Variants in CYP17A1 observed in about 807,000 individuals in gnomAD.
The protein encoded by CYP17A1 is cytochrome P450 family 17 subfamily A member 1.
A neutral mutation model predicts 38.5 loss-of-function variants in CYP17A1; 27 were observed. The observed-to-expected ratio is 0.70, with a 90% CI of 0.52 to 0.97. CYP17A1 has a LOEUF of 0.97. Ranked by LOEUF, CYP17A1 falls within the 50% of genes least tolerant of loss-of-function variation. The pLI, the probability that CYP17A1 is intolerant of heterozygous loss-of-function variation, is 0.00. For synonymous variants in CYP17A1, 263 were observed against 253.3 expected, an observed-to-expected ratio of 1.04 and a Z score of -0.36; for missense variants, 549 against 645.9, an observed-to-expected ratio of 0.85 and a Z score of 1.63.
Position 102,831,492 on chromosome 10 carries a change from G to A in CYP17A1, c.1243+16C>T. The stretch of plus-strand genomic sequence containing the variant: ...GCTCGCTGTGTGGCCCAGGGCGCAG[G>A]ACAGGACAGACTCACCAGGCATGAA... On this transcript the variant is annotated intron_variant, in intron 7 of 7. Coordinates refer to ENST00000369887, the MANE Select transcript of CYP17A1 (RefSeq NM_000102.4). The A allele has an allele frequency of 6.2e-7, 1 of 1,613,656 alleles. No homozygotes were observed. The highest frequency in any genetic ancestry group is 1.1e-5 in the South Asian group (1 of 91,056).
intron 7 of CYP17A1, 26 bp from the exon 8 acceptor site, chr10:102,831,011 A>G (rs573437659): frequency 2.1e-5 from 32 of 1,511,010 alleles, no homozygotes; most frequent in African/African-American, 2.8e-5. Context: ...GGCATCAGCC[A>G]GGGGTTAGGG....
In CYP17A1 at chr10:102,834,930, G is replaced by A. The variant is rs752540777; in HGVS notation, c.521C>T (p.Ala174Val). The change falls in exon 3 of 8, where the codon GCG becomes GTG. Residue 174 changes from alanine to valine, a missense_variant. This residue lies in a region of CYP17A1 where 289 missense variants were observed against 320.9 expected (regional missense o/e 0.90). Coordinates refer to ENST00000369887, the MANE Select transcript of CYP17A1 (RefSeq NM_000102.4). Reference protein sequence around the residue: ...SIDISFPVFVAVTNVISLICF... With the variant: ...SIDISFPVFVVVTNVISLICF... ...GATCAAGGAGATGACATTGGTTACCGCCACGAAGACAGGAAAGGAGATGTC... is the reference window on the plus strand; with the variant it reads ...GATCAAGGAGATGACATTGGTTACCACCACGAAGACAGGAAAGGAGATGTC... 19 of 1,613,072 alleles carry A rather than the reference G, an allele frequency of 1.2e-5. No homozygotes were observed. Among genetic ancestry groups the A allele is most frequent in the Middle Eastern group, 1.6e-4 (1 of 6,078 alleles).
rs760333995 is a variant in CYP17A1, at chr10:102,830,770, C to T, written c.1459G>A (p.Asp487Asn). 1.4e-5 allele frequency: 23 copies of T among 1,600,400 alleles called. No homozygotes were observed. The highest frequency in any genetic ancestry group is 1.3e-4 in the Admixed American group (8 of 59,484). ...ACCTTGATCTTCACTTTGAAAGAGT[C>T]GATCAGAAAGACCACCTTGGGGATG... ...EGIPKVVFLI[D>N]SFKVKIKVRQ... The change falls in exon 8 of 8, where the codon GAC (aspartate) becomes AAC (asparagine). Residue 487 changes from aspartate to asparagine, a missense_variant. Around this residue, in one of 3 missense-constraint regions of CYP17A1, gnomAD observed 257 missense variants for 307.9 expected, o/e 0.83. Transcript: ENST00000369887. The surrounding 1 kb of genome is among the most constrained non-coding windows in gnomAD (Gnocchi z 4.1).
chr10:102,836,740 T>C, intron 1 of CYP17A1: 1 of 420,946 alleles, frequency 2.4e-6, no homozygotes, highest in Non-Finnish European at 4.5e-6. Flanking sequence ...CTAAGTGCTG[T>C]ACATGCACCT....
In CYP17A1 at chr10:102,835,308, C is replaced by G; in HGVS notation, c.382G>C (p.Ala128Pro). 1 of 1,612,654 alleles carries G rather than the reference C, an allele frequency of 6.2e-7. No individual in the cohort carries two copies. Among genetic ancestry groups the G allele is most frequent in the Non-Finnish European group, 8.5e-7 (1 of 1,178,592 alleles). ...TTGAACAGGGCAAAGGTGGCCATCGCCAGCCTTCGATGCAGCTGCCAGTGT... is the reference window on the plus strand; with the variant it reads ...TTGAACAGGGCAAAGGTGGCCATCGGCAGCCTTCGATGCAGCTGCCAGTGT... ...GAHWQLHRRL[A>P]MATFALFKDG... Residue 128 changes from alanine to proline, a missense_variant, in exon 2 of 8, where the codon GCG (alanine) becomes CCG (proline). Ala to Pro is a conservative substitution (Grantham distance 27). Coordinates refer to ENST00000369887, the MANE Select transcript of CYP17A1 (RefSeq NM_000102.4).
chr10:102,837,093 C>A lies in CYP17A1; in HGVS notation c.269G>T (p.Gly90Val), dbSNP rs778389140. Residue 90 changes from glycine to valine, a missense_variant, in exon 1 of 8, where the codon GGC becomes GTC. Physicochemically the swap from Gly to Val is moderately radical, Grantham distance 109. This residue lies in a region of CYP17A1 where 289 missense variants were observed against 320.9 expected (regional missense o/e 0.90). Coordinates refer to ENST00000369887, the MANE Select transcript of CYP17A1 (RefSeq NM_000102.4). ...QLAKEVLIKK[G>V]KDFSGRPQMA... ...TTGAGGCCGCCCAGAGAAGTCCTTG[C>A]CCTTCTTAATAAGCACCTCCTTGGC... 6.2e-7 allele frequency: 1 copy of A among 1,606,034 alleles called. No individual in the cohort carries two copies. The highest frequency in any genetic ancestry group is 8.5e-7 in the Non-Finnish European group (1 of 1,172,910).
chr10:102,832,594 C>A lies in CYP17A1; in HGVS notation c.1056G>T (p.Leu352=), dbSNP rs760478279. 38 of 1,607,032 alleles carry A rather than the reference C, an allele frequency of 2.4e-5. No homozygotes were observed. Among genetic ancestry groups the A allele is most frequent in the Non-Finnish European group, 3.2e-5 (38 of 1,173,606 alleles). ...GCACCTCTCGGATGGTGGCCTCCAG[C>A]AGGAGGAGACGGTTACGGTCACTGA... ...PTISDRNRLL[L]LEATIREVLR... Residue 352 remains leucine (L), a synonymous_variant, in exon 6 of 8, where the codon CTG becomes CTT. Transcript: ENST00000369887.
rs1844148492 is a variant in CYP17A1 at position 102,835,368 on chromosome 10, TG to T, written c.321del (p.Asn107LysfsTer59). ...TCAGCGAAGGCGATACCCTTACGGT[TG>T]TTGGACGCGATGTCTAGAGTTGCCT... The part of the protein sequence containing the change: ...PQMATLDIAS[N>X]NRKGIAFADS... On this transcript the variant is annotated frameshift_variant, in exon 2 of 8. Coordinates refer to ENST00000369887, the MANE Select transcript of CYP17A1 (RefSeq NM_000102.4). LOFTEE classifies it high-confidence loss of function. 6.2e-7 allele frequency: 1 copy of T among 1,613,126 alleles called. No individual in the cohort carries two copies. The highest frequency in any genetic ancestry group is 1.7e-5 in the Admixed American group (1 of 60,012).
rs1242989937 is a variant in CYP17A1 at position 102,830,796 on chromosome 10, C to A, written c.1433G>T (p.Gly478Val). 3 of 1,594,394 alleles carry A rather than the reference C, an allele frequency of 1.9e-6. No individual in the cohort carries two copies. The highest frequency in any genetic ancestry group is 2.6e-6 in the Non-Finnish European group (3 of 1,165,128). ...PDDGQLPSLE[G>V]IPKVVFLIDS... is the part of the protein sequence containing the mutation. ...GATCAGAAAGACCACCTTGGGGATG[C>A]CTTCCAGGGAGGGCAGCTGCCCATC... The change falls in exon 8 of 8, where the codon GGC (glycine) becomes GTC (valine). Residue 478 changes from glycine (G) to valine (V), a missense_variant. Around this residue, in one of 3 missense-constraint regions of CYP17A1, gnomAD observed 257 missense variants for 307.9 expected, o/e 0.83. Transcript: ENST00000369887. This position sits in a 1 kb window ranked among gnomAD's most constrained non-coding sequence, Gnocchi z 4.1.
intron 6 of CYP17A1, 64 bp from the exon 7 acceptor site, chr10:102,831,675 C>T: frequency 6.2e-7 from 1 of 1,601,104 alleles, no homozygotes; most frequent in Non-Finnish European, 8.5e-7. Context: ...TGCTCAGCCT[C>T]ATGCCCCCTC....
intron 3 of CYP17A1, chr10:102,834,510 C>T (rs890459602): frequency 7.0e-6 from 4 of 575,304 alleles, no homozygotes; most frequent in South Asian, 2.0e-5. Flanking sequence ...GGGAATTCAG[C>T]GATGAATGCG....
rs145409482 is a variant in CYP17A1, at chr10:102,831,608, G to A, written c.1143C>T (p.Ile381=). 8 of 1,613,564 alleles carry A rather than the reference G, an allele frequency of 5.0e-6. No homozygotes were observed. The highest frequency in any genetic ancestry group is 2.2e-5 in the East Asian group (1 of 44,894). Residue 381 remains isoleucine (I), a synonymous_variant, in exon 7 of 8, where the codon ATC becomes ATT. Transcript: ENST00000369887. Reference sequence around the variant, plus strand: ...TGCCCTTGTCCACAGCAAACTCACCGATGCTGCTCCAGAGTGGAAGAGGAA... The same window carrying A: ...TGCCCTTGTCCACAGCAAACTCACCAATGCTGCTCCAGAGTGGAAGAGGAA... ...IPHKANVDSS[I]GEFAVDKGTE...
rs1211892320 is a variant in CYP17A1, at chr10:102,835,540, C to G, written c.298-148G>C. 9 of 758,456 alleles carry G rather than the reference C, an allele frequency of 1.2e-5. No individual in the cohort carries two copies. In the East Asian group the frequency reaches 2.3e-4, roughly 19 times the overall value. The allele number at this position is 758,456 out of a possible 1,614,324, so 47.0% of individuals were successfully genotyped here. On this transcript the variant is annotated intron_variant, in intron 1 of 7. Transcript: ENST00000369887. ...GTGGGCACAGCCCCACTGCACTCCA[C>G]CATGACTGCAAGGACTTGGTAGGAC... is the stretch of plus-strand genomic sequence containing the variant.
rs4919686 is a variant in CYP17A1, at chr10:102,832,492, A to C, written c.1139+19T>G. On this transcript the variant is annotated intron_variant, in intron 6 of 7. Coordinates refer to ENST00000369887, the MANE Select transcript of CYP17A1 (RefSeq NM_000102.4). ...TGAATGCATCATGGGGCTAGATGTC[A>C]CTGGGAGGGCAGGCACACCTGGAGT... is the stretch of plus-strand genomic sequence containing the variant. 0.25 allele frequency: 395,228 copies of C among 1,550,476 alleles called. 55,070 individuals are homozygous for C. Among genetic ancestry groups the C allele is most frequent in the Non-Finnish European group, 0.29 (322,507 of 1,122,122 alleles).
rs756135168 is a variant in CYP17A1, at chr10:102,830,761, TGAAAGAGTC to T, written c.1459_1467del (p.Asp487_Phe489del). The T allele has an allele frequency of 5.6e-6, 9 of 1,603,814 alleles. No individual in the cohort carries two copies. In the East Asian group the frequency reaches 2.0e-4, roughly 36 times the overall value. On this transcript the variant is annotated inframe_deletion, in exon 8 of 8. Transcript: ENST00000369887. The surrounding 1 kb of genome is among the most constrained non-coding windows in gnomAD (Gnocchi z 4.1). ...GCCTGGCGCACCTTGATCTTCACTT[TGAAAGAGTC>T]GATCAGAAAGACCACCTTGGGGATG...
rs748809250 is a variant in CYP17A1 at position 102,830,681 on chromosome 10, A to G, written c.*21T>C. The G allele has an allele frequency of 4.8e-6, 7 of 1,451,518 alleles. No individual in the cohort carries two copies. The highest frequency in any genetic ancestry group is 6.7e-6 in the Non-Finnish European group (7 of 1,038,598). 89.9% of individuals were successfully genotyped at this position (1,451,518 alleles called of 1,614,324 possible). A position where few individuals can be genotyped will look rare whatever the true frequency, so the allele number is the denominator to read the frequency against. On this transcript the variant is annotated 3_prime_UTR_variant, in exon 8 of 8. Transcript: ENST00000369887. The surrounding 1 kb of genome is among the most constrained non-coding windows in gnomAD (Gnocchi z 4.1). ...TGTTGTGGGGCCACATAGGGTGGACAGGGGCTGTGAGTTACAGCCTTTAGG... is the reference window on the plus strand; with the variant it reads ...TGTTGTGGGGCCACATAGGGTGGACGGGGGCTGTGAGTTACAGCCTTTAGG...
chr10:102,834,874 G>C lies in CYP17A1; in HGVS notation c.577C>G (p.Pro193Ala). The change falls in exon 3 of 8, where the codon CCT becomes GCT. Residue 193 changes from proline to alanine, a missense_variant. Physicochemically the swap from Pro to Ala is conservative, Grantham distance 27. Transcript: ENST00000369887. ...CFNTSYKNGD[P>A]ELNVIQNYNE... The stretch of plus-strand genomic sequence containing the variant: ...TAATTCTGTATGACATTCAACTCAG[G>C]GTCCCCATTCTTGTAGGAGGTATTG... The C allele has an allele frequency of 1.2e-6, 2 of 1,613,996 alleles. No individual in the cohort carries two copies. The highest frequency in any genetic ancestry group is 1.7e-6 in the Non-Finnish European group (2 of 1,180,014).
Position 102,835,331 on chromosome 10 carries a change from T to G in CYP17A1, c.359A>C (p.His120Pro), listed in dbSNP as rs1277065246. 2 of 1,611,450 alleles carry G rather than the reference T, an allele frequency of 1.2e-6. No homozygotes were observed. Among genetic ancestry groups the G allele is most frequent in the South Asian group, 2.2e-5 (2 of 91,028 alleles). The stretch of plus-strand genomic sequence containing the variant: ...CGCCAGCCTTCGATGCAGCTGCCAG[T>G]GTGCGCCAGAGTCAGCGAAGGCGAT... ...KGIAFADSGAHWQLHRRLAMA... is the reference protein window; with the variant it reads ...KGIAFADSGAPWQLHRRLAMA... The change falls in exon 2 of 8, where the codon CAC becomes CCC. Residue 120 changes from histidine (H) to proline (P), a missense_variant. Around this residue, in one of 3 missense-constraint regions of CYP17A1, gnomAD observed 289 missense variants for 320.9 expected, o/e 0.90. Coordinates refer to ENST00000369887, the MANE Select transcript of CYP17A1 (RefSeq NM_000102.4).
rs1396086506 is a variant in CYP17A1 at position 102,835,330 on chromosome 10, G to C, written c.360C>G (p.His120Gln). ...KGIAFADSGAHWQLHRRLAMA... is the reference protein window; with the variant it reads ...KGIAFADSGAQWQLHRRLAMA... ...TCGCCAGCCTTCGATGCAGCTGCCA[G>C]TGTGCGCCAGAGTCAGCGAAGGCGA... Residue 120 changes from histidine (H) to glutamine (Q), a missense_variant, in exon 2 of 8, where the codon CAC (histidine) becomes CAG (glutamine). His to Gln is a conservative substitution (Grantham distance 24). Coordinates refer to ENST00000369887, the MANE Select transcript of CYP17A1 (RefSeq NM_000102.4). The C allele has an allele frequency of 6.2e-7, 1 of 1,610,978 alleles. No individual in the cohort carries two copies. Among genetic ancestry groups the C allele is most frequent in the Admixed American group, 1.7e-5 (1 of 60,032 alleles).
Sources: allele counts gnomAD v4.1 joint callset, GRCh38; gene constraint gnomAD v4.1.1; regional missense constraint gnomAD v4.1.1; non-coding constraint Gnocchi (gnomAD v3.1); transcripts MANE v1.5; gene names NCBI Gene and HGNC (gene_info 2026-07-23, HGNC 2026-07-21).